Variants in CADM1 observed in about 807,000 individuals in gnomAD.
The protein encoded by CADM1 is TSLC-1.
In CADM1, 15 loss-of-function variants were observed where a neutral mutation model predicts 53.1. The observed-to-expected ratio is 0.28, with a 90% CI of 0.19 to 0.44. CADM1 has a LOEUF of 0.44. CADM1 is among the 20% of genes least tolerant of loss of function. CADM1 has a pLI of 1.00. For missense variants in CADM1, 434 were observed against 611.3 expected (o/e 0.71, Z 3.06); for synonymous variants, 281 against 243.0 (o/e 1.16, Z -1.45).
intron 5 of CADM1, among the ~76,000 whole-genome samples, chr11:115,226,025 C>T (rs527876551): frequency 6.3e-4 from 96 of 152,038 alleles, no homozygotes; most frequent in African/African-American, 2.2e-3. Context: ...CTTATTTACT[C>T]GGAGTAGACT....
In CADM1 at chr11:115,240,379, C is replaced by T. The variant is rs769572030; in HGVS notation, c.166G>A (p.Glu56Lys). The change falls in exon 2 of 12, where the codon GAG becomes AAG. Residue 56 changes from glutamate to lysine, a missense_variant. Around this residue, in one of 4 missense-constraint regions of CADM1, gnomAD observed 31 missense variants for 74.6 expected, o/e 0.42. Coordinates refer to ENST00000331581, the MANE Select transcript of CADM1 (RefSeq NM_001301043.2). ...NLFTKDVTVI[E>K]GEVATISCQV... Reference sequence around the variant, plus strand: ...CAACTGATGGTCGCAACCTCTCCCTCGATCACTGTCACGTCTTTCGTAAAC... The same window carrying T: ...CAACTGATGGTCGCAACCTCTCCCTTGATCACTGTCACGTCTTTCGTAAAC... The T allele has an allele frequency of 2.5e-6, 4 of 1,613,700 alleles. No homozygotes were observed. Among genetic ancestry groups the T allele is most frequent in the Non-Finnish European group, 2.5e-6 (3 of 1,179,832 alleles).
At chr11:115,373,165 C>T (rs577887943) in intron 1 of CADM1, among the ~76,000 whole-genome samples, 6 of 152,174 alleles carry the variant, frequency 3.9e-5, no homozygotes, top group African/African-American at 1.2e-4. Context: ...GCATTTCAAG[C>T]GGTCAAAGAT....
At chr11:115,309,133 C>T (rs934499959) in intron 1 of CADM1, among the ~76,000 whole-genome samples, 3 of 152,020 alleles carry the variant, frequency 2.0e-5, no homozygotes, top group Non-Finnish European at 4.4e-5. Flanking sequence ...TAAATCATAT[C>T]ACTACCCATT....
intron 8 of CADM1, among the ~76,000 whole-genome samples, chr11:115,206,437 G>A (rs1237848713): frequency 2.0e-5 from 3 of 152,148 alleles, no homozygotes; most frequent in African/African-American, 4.8e-5. Flanking sequence ...AGCAGAGTCC[G>A]ATTTGGCTTA....
At chr11:115,437,755 C>T (rs17451032) in intron 1 of CADM1, among the ~76,000 whole-genome samples, 1,930 of 152,244 alleles carry the variant, frequency 0.013, 26 homozygotes, top group Non-Finnish European at 0.018. Flanking sequence ...GACCATTTTC[C>T]TACCACAGAT....
Position 115,178,625 on chromosome 11 carries a change from C to A in CADM1, c.1297+19G>T. On this transcript the variant is annotated intron_variant, in intron 11 of 11. Coordinates refer to ENST00000331581, the MANE Select transcript of CADM1 (RefSeq NM_001301043.2). ...AGCTGTGGGGACACGCTGCTTCTGTCTGCTGAAGCTTTGCTTACCTTTATG... is the reference window on the plus strand; with the variant it reads ...AGCTGTGGGGACACGCTGCTTCTGTATGCTGAAGCTTTGCTTACCTTTATG... 6.2e-7 allele frequency: 1 copy of A among 1,610,970 alleles called. No individual in the cohort carries two copies. The highest frequency in any genetic ancestry group is 1.1e-5 in the South Asian group (1 of 91,050).
At chr11:115,340,658 A>ATATTTTTTTTTT (rs60532835) in intron 1 of CADM1, among the ~76,000 whole-genome samples, 3 of 34,946 alleles carry the variant, frequency 8.6e-5, no homozygotes, top group East Asian at 1.1e-3. Context: ...ATATATATAT[A>ATATTTTTTTTTT]TTTTTTTTTT....
At chr11:115,296,086 G>C (rs1449781814) in intron 1 of CADM1, among the ~76,000 whole-genome samples, 1 of 152,084 alleles carries the variant, frequency 6.6e-6, no homozygotes, top group African/African-American at 2.4e-5. Flanking sequence ...GAGTAGCTGG[G>C]ACTACAGGTG....
intron 1 of CADM1, among the ~76,000 whole-genome samples, chr11:115,254,536 C>A (rs982113945): frequency 6.9e-6 from 1 of 145,326 alleles, no homozygotes; most frequent in Non-Finnish European, 1.5e-5. Flanking sequence ...GTTCCTAATG[C>A]GCAAGGGAGA....
chr11:115,215,025 C>T (rs1343515476), intron 6 of CADM1, among the ~76,000 whole-genome samples: 3 of 152,124 alleles, frequency 2.0e-5, no homozygotes, highest in Non-Finnish European at 4.4e-5. Flanking sequence ...AATTCATGTT[C>T]GACAAATCAA....
chr11:115,336,573 T>C (rs1217386551), intron 1 of CADM1, among the ~76,000 whole-genome samples: 1 of 152,166 alleles, frequency 6.6e-6, no homozygotes, highest in Non-Finnish European at 1.5e-5. Flanking sequence ...TCTTCAATTA[T>C]ACCTACTCTT....
At chr11:115,431,608 C>T (rs886070846) in intron 1 of CADM1, among the ~76,000 whole-genome samples, 3 of 152,132 alleles carry the variant, frequency 2.0e-5, no homozygotes. Flanking sequence ...TTTAAGCAGT[C>T]TGAACCTTCC....
rs1276812201 is a variant in CADM1 at position 115,285,772 on chromosome 11, T to G, written c.125-45352A>C. ...ACACCTGGAGCTTCTGAGCTCTCGGTGAACCCCTCCCTCTGAGCCACTGTA... is the reference window on the plus strand; with the variant it reads ...ACACCTGGAGCTTCTGAGCTCTCGGGGAACCCCTCCCTCTGAGCCACTGTA... On this transcript the variant is annotated intron_variant, in intron 1 of 11. Coordinates refer to ENST00000331581, the MANE Select transcript of CADM1 (RefSeq NM_001301043.2). Among the ~76,000 whole-genome samples, 3 of 152,150 alleles carry G rather than the reference T, an allele frequency of 2.0e-5. 1 individual carries two copies. The highest frequency in any genetic ancestry group is 4.4e-5 in the Non-Finnish European group (3 of 68,030).
intron 1 of CADM1, among the ~76,000 whole-genome samples, chr11:115,476,286 G>A (rs888091937): frequency 2.0e-5 from 3 of 152,094 alleles, no homozygotes; most frequent in Non-Finnish European, 4.4e-5. Flanking sequence ...TTAAAATTCA[G>A]TTATAAAATT....
intron 1 of CADM1, among the ~76,000 whole-genome samples, chr11:115,423,291 C>T (rs1013386831): frequency 6.6e-6 from 1 of 152,074 alleles, no homozygotes; most frequent in Admixed American, 6.6e-5. Flanking sequence ...TTTGAGTTTC[C>T]CCCCTCCAGA....
intron 1 of CADM1, among the ~76,000 whole-genome samples, chr11:115,389,848 T>C (rs1247840664): frequency 1.3e-5 from 2 of 152,118 alleles, no homozygotes; most frequent in Non-Finnish European, 2.9e-5. Flanking sequence ...CTTTAAATTA[T>C]AGAAGTTAGT....
chr11:115,340,561 A>G lies in CADM1; in HGVS notation c.125-100141T>C, dbSNP rs11821627. Reference sequence around the variant, plus strand: ...GCCAGGTCATAATATACGCCATATAAGGGGGATTTATTTAAAATCAAATTT... The same window carrying G: ...GCCAGGTCATAATATACGCCATATAGGGGGGATTTATTTAAAATCAAATTT... On this transcript the variant is annotated intron_variant, in intron 1 of 11. Transcript: ENST00000331581. 2.1e-5 allele frequency among the ~76,000 whole-genome samples: 3 copies of G among 143,812 alleles called. No individual in the cohort carries two copies. In the Middle Eastern group the frequency reaches 0.011, roughly 517 times the overall value. 94.3% of individuals were successfully genotyped at this position (143,812 alleles called of 152,430 possible).
chr11:115,430,444 AC>A (rs1297521393), intron 1 of CADM1, among the ~76,000 whole-genome samples: 5 of 152,204 alleles, frequency 3.3e-5, no homozygotes, highest in African/African-American at 1.2e-4. Flanking sequence ...TGAATTATAA[AC>A]CTATCAAGCT....
intron 1 of CADM1, among the ~76,000 whole-genome samples, chr11:115,326,635 G>A (rs1342626973): frequency 6.6e-6 from 1 of 152,076 alleles, no homozygotes; most frequent in East Asian, 1.9e-4. Flanking sequence ...AAATTAGCAA[G>A]TCCTCTTCCT....
Sources: gnomAD v4.1 joint callset for allele counts (sites outside exome capture counted in the v4.1 genomes callset) on GRCh38, gnomAD v4.1.1 for gene constraint, gnomAD v4.1.1 regional missense constraint, MANE v1.5 for transcripts, NCBI Gene and HGNC (gene_info 2026-07-23, HGNC 2026-07-21) for gene names.